The following DMD variants were observed in gnomAD, a reference collection of about 807,000 sequenced individuals.
The protein encoded by DMD is mutant dystrophin.
DMD carries 63 observed loss-of-function variants against 330.1 expected under a neutral mutation model. That is an observed-to-expected ratio of 0.19 (90% CI 0.16 to 0.24). The LOEUF (loss-of-function observed/expected upper bound fraction) is 0.24. Among genes scored for constraint, DMD ranks in the 10% least tolerant of loss-of-function variants. The pLI, the probability that DMD is intolerant of heterozygous loss-of-function variation, is 1.00. For missense variants in DMD, 3,344 were observed against 2,684.1 expected (o/e 1.25, Z -5.43); for synonymous variants, 1,223 against 959.8 (o/e 1.27, Z -5.07).
chrX:31,496,567 T>A (rs2069875583), intron 57 of DMD, among the ~76,000 whole-genome samples: 1 of 112,198 alleles, frequency 8.9e-6, no homozygotes, highest in South Asian at 3.7e-4. Flanking sequence ...CTTTTTTTTA[T>A]ATAGCCAAAA....
intron 7 of DMD, among the ~76,000 whole-genome samples, chrX:32,786,086 AGTGTGTGTGTGTGTGTGTGTGT>A (rs368269067): frequency 1.0e-5 from 1 of 96,548 alleles, no homozygotes; most frequent in African/African-American, 3.9e-5. Flanking sequence ...GAGGAATAAG[AGTGTGTGTGTGTGTGTGTGTGT>A]GTGTGTGTGT....
chrX:32,943,736 A>T (rs1362192457), intron 2 of DMD, among the ~76,000 whole-genome samples: 1 of 112,229 alleles, frequency 8.9e-6, no homozygotes, highest in African/African-American at 3.2e-5. Flanking sequence ...GGTATTGCAA[A>T]CTGCTCTCAT....
chrX:31,432,021 G>T lies in DMD; in HGVS notation c.9084+12460C>A, dbSNP rs777462693. Reference sequence around the variant, plus strand: ...ATTGAGACGGGGTTTTACCATGTTGGTCAGGCTGGTCTCGAACGCCTGACC... The same window carrying T: ...ATTGAGACGGGGTTTTACCATGTTGTTCAGGCTGGTCTCGAACGCCTGACC... On this transcript the variant is annotated intron_variant, in intron 60 of 78. Coordinates refer to ENST00000357033, the MANE Select transcript of DMD (RefSeq NM_004006.3). Among the ~76,000 whole-genome samples the T allele has an allele frequency of 5.9e-4, 65 of 110,280 alleles. 1 individual carries two copies. The highest frequency in any genetic ancestry group is 2.2e-3 in the Admixed American group (23 of 10,345).
At chrX:31,845,392 T>TCTCTCC (rs1302914596) in intron 48 of DMD, among the ~76,000 whole-genome samples, 5 of 71,035 alleles carry the variant, frequency 7.0e-5, no homozygotes, top group Non-Finnish European at 1.1e-4. Flanking sequence ...TCTCTCTCTC[T>TCTCTCC]CTCTCTCTCT....
chrX:33,286,069 C>T (rs1028872241), intron 1 of DMD, among the ~76,000 whole-genome samples: 10 of 111,027 alleles, frequency 9.0e-5, no homozygotes, highest in Non-Finnish European at 1.7e-4. Flanking sequence ...AACATATTAT[C>T]GTGATGTAGA....
intron 5 of DMD, among the ~76,000 whole-genome samples, chrX:32,821,313 A>C (rs941629754): frequency 1.8e-5 from 2 of 111,571 alleles, no homozygotes; most frequent in African/African-American, 6.5e-5. Context: ...AGCCGGGCGC[A>C]GTGGCTCATG....
At chrX:31,728,184 G>A (rs1047052354) in intron 52 of DMD, among the ~76,000 whole-genome samples, 11 of 111,383 alleles carry the variant, frequency 9.9e-5, no homozygotes, top group Admixed American at 2.8e-4. Context: ...CACCACGCCC[G>A]GCTAATTTTT....
intron 55 of DMD, among the ~76,000 whole-genome samples, chrX:31,510,795 C>T (rs1447255281): frequency 3.6e-5 from 4 of 111,026 alleles, no homozygotes; most frequent in South Asian, 3.8e-4. Context: ...AGGCGTGAGC[C>T]ACCACACCTG....
intron 7 of DMD, among the ~76,000 whole-genome samples, chrX:32,801,643 T>C (rs1209459519): frequency 8.9e-6 from 1 of 112,158 alleles, no homozygotes; most frequent in African/African-American, 3.2e-5. Context: ...TGGTTTTAGG[T>C]ATTACATTTA....
chrX:32,572,547 A>T (rs1338361777), intron 15 of DMD, among the ~76,000 whole-genome samples: 1 of 85,061 alleles, frequency 1.2e-5, no homozygotes, highest in South Asian at 5.2e-4. Context: ...GAGAAACTTT[A>T]GAGTTTTTTT....
In DMD at chrX:31,801,821, C is replaced by T. The variant is rs377137975; in HGVS notation, c.7309+18154G>A. ...AACAACATGAATTCAAATTGTCCCACAAATAAATATAAGATTTGGTGTGTG... is the reference window on the plus strand; with the variant it reads ...AACAACATGAATTCAAATTGTCCCATAAATAAATATAAGATTTGGTGTGTG... On this transcript the variant is annotated intron_variant, in intron 50 of 78. Transcript: ENST00000357033. 7.2e-4 allele frequency among the ~76,000 whole-genome samples: 80 copies of T among 111,160 alleles called. 1 individual carries two copies. Among genetic ancestry groups the T allele is most frequent in the African/African-American group, 2.2e-3 (68 of 30,631 alleles).
intron 29 of DMD, among the ~76,000 whole-genome samples, chrX:32,415,803 A>G (rs186305251): frequency 8.9e-6 from 1 of 112,571 alleles, no homozygotes; most frequent in African/African-American, 3.2e-5. Context: ...AATGGTTACC[A>G]AGAAAAACAC....
At chrX:31,701,354 A>C (rs752457663) in intron 52 of DMD, among the ~76,000 whole-genome samples, 2 of 112,179 alleles carry the variant, frequency 1.8e-5, no homozygotes, top group South Asian at 7.4e-4. Flanking sequence ...AAGAAATAAA[A>C]ATAAATGGAA....
At chrX:32,570,069 C>G (rs2052227774) in intron 15 of DMD, among the ~76,000 whole-genome samples, 1 of 111,226 alleles carries the variant, frequency 9.0e-6, no homozygotes, top group African/African-American at 3.3e-5. Context: ...AGATCTAGAG[C>G]AAATTAAATG....
intron 74 of DMD, among the ~76,000 whole-genome samples, chrX:31,155,797 T>C (rs930482429): frequency 5.5e-5 from 6 of 110,029 alleles, no homozygotes; most frequent in Admixed American, 9.7e-5. Context: ...CTGGGCAACA[T>C]AGGGAGACAC....
intron 54 of DMD, among the ~76,000 whole-genome samples, chrX:31,628,437 GAAGA>G (rs1479295697): frequency 9.0e-6 from 1 of 111,199 alleles, no homozygotes; most frequent in Admixed American, 9.6e-5. Flanking sequence ...GAGGGCAAAG[GAAGA>G]AAGACTTAAC....
At chrX:32,045,707 T>C (rs1203097004) in intron 44 of DMD, among the ~76,000 whole-genome samples, 2 of 111,590 alleles carry the variant, frequency 1.8e-5, no homozygotes, top group Non-Finnish European at 3.8e-5. Flanking sequence ...CAAATTATAA[T>C]CCTGCAAGCT....
intron 1 of DMD, among the ~76,000 whole-genome samples, chrX:33,069,965 C>T (rs1445357648): frequency 9.0e-6 from 1 of 111,567 alleles, no homozygotes; most frequent in African/African-American, 3.3e-5. Context: ...CAAGCCATAT[C>T]AACAATCTTG....
chrX:32,447,313 T>C (rs1366333225), intron 27 of DMD, among the ~76,000 whole-genome samples: 1 of 110,464 alleles, frequency 9.1e-6, no homozygotes, highest in African/African-American at 3.3e-5. Flanking sequence ...AGATACGTCA[T>C]TATATCCTCA....
Sources: gnomAD v4.1 joint callset for allele counts (sites outside exome capture counted in the v4.1 genomes callset) on GRCh38, gnomAD v4.1.1 for gene constraint, MANE v1.5 for transcripts, NCBI Gene and HGNC (gene_info 2026-07-23, HGNC 2026-07-21) for gene names.